Variants in SLCO3A1 observed in about 807,000 individuals in gnomAD.
The protein encoded by SLCO3A1 is solute carrier organic anion transporter family member 3A1, also known as PGE1 transporter.
SLCO3A1 carries 27 observed loss-of-function variants against 63.1 expected under a neutral mutation model. That is an observed-to-expected ratio of 0.43 (90% confidence interval 0.32 to 0.59). The LOEUF is 0.59. Among genes scored for constraint, SLCO3A1 ranks in the 20% least tolerant of loss-of-function variants. The pLI is 0.09. For missense variants in SLCO3A1, 773 were observed against 945.8 expected (o/e 0.82, Z 2.40); for synonymous variants, 473 against 409.9 (o/e 1.15, Z -1.86).
Position 92,128,345 on chromosome 15 carries a change from T to C in SLCO3A1, c.1374-6T>C. ...TAATGGCTTCCGTGTTTCCTTTCTT[T>C]TCCAGCACAGCACCTGGCTCAGCCC... On this transcript the variant is annotated splice_polypyrimidine_tract_variant and splice_region_variant and intron_variant, in intron 6 of 9. Coordinates refer to ENST00000318445, the MANE Select transcript of SLCO3A1 (RefSeq NM_013272.4). The C allele has an allele frequency of 6.2e-7, 1 of 1,613,474 alleles. No individual in the cohort carries two copies. The highest frequency in any genetic ancestry group is 8.5e-7 in the Non-Finnish European group (1 of 1,179,826).
chr15:92,045,935 G>A (rs757341238), intron 2 of SLCO3A1, among the ~76,000 whole-genome samples: 3 of 152,164 alleles, frequency 2.0e-5, no homozygotes, highest in South Asian at 4.1e-4. Flanking sequence ...GCATCGCTCT[G>A]TCCTCTCGTG....
At chr15:92,079,297 C>T (rs1214086958) in intron 2 of SLCO3A1, among the ~76,000 whole-genome samples, 1 of 152,198 alleles carries the variant, frequency 6.6e-6, no homozygotes, top group Non-Finnish European at 1.5e-5. Context: ...CCACTCTGGT[C>T]TTGGGAGCTG....
chr15:92,041,023 T>G (rs990010917), intron 2 of SLCO3A1, among the ~76,000 whole-genome samples: 2 of 152,138 alleles, frequency 1.3e-5, no homozygotes, highest in African/African-American at 4.8e-5. Flanking sequence ...CCTCAGACTT[T>G]CTGCCTCCTT....
At chr15:91,988,690 G>C (rs1231329956) in intron 2 of SLCO3A1, among the ~76,000 whole-genome samples, 3 of 152,182 alleles carry the variant, frequency 2.0e-5, no homozygotes, top group Admixed American at 2.0e-4. Context: ...CTCTAAGGTG[G>C]AGCCTGAAAA....
At chr15:92,074,140 C>T (rs2047248565) in intron 2 of SLCO3A1, among the ~76,000 whole-genome samples, 1 of 152,250 alleles carries the variant, frequency 6.6e-6, no homozygotes, top group Non-Finnish European at 1.5e-5. Flanking sequence ...CAGTGTACTC[C>T]AGCCTGGGCG....
intron 2 of SLCO3A1, among the ~76,000 whole-genome samples, chr15:92,071,646 G>A (rs2047217381): frequency 2.0e-5 from 3 of 152,184 alleles, no homozygotes; most frequent in Admixed American, 1.3e-4. Flanking sequence ...AGGAGGGAAC[G>A]CAGGCCACTG....
chr15:91,997,793 A>G (rs2046209171), intron 2 of SLCO3A1, among the ~76,000 whole-genome samples: 1 of 152,226 alleles, frequency 6.6e-6, no homozygotes, highest in Admixed American at 6.5e-5. Flanking sequence ...GTGCTGAGAT[A>G]GCTGATGAGC....
intron 2 of SLCO3A1, among the ~76,000 whole-genome samples, chr15:91,997,323 A>G (rs1319200938): frequency 6.6e-6 from 1 of 152,230 alleles, no homozygotes; most frequent in Non-Finnish European, 1.5e-5. Context: ...CTCTAGAAGG[A>G]AAACTACAAA....
At chr15:91,929,532 TA>T (rs1368550777) in intron 2 of SLCO3A1, among the ~76,000 whole-genome samples, 2 of 152,156 alleles carry the variant, frequency 1.3e-5, no homozygotes, top group Non-Finnish European at 1.5e-5. Context: ...TTTTTTTAAT[TA>T]AAAAAGTTGT....
intron 3 of SLCO3A1, among the ~76,000 whole-genome samples, chr15:92,096,612 G>C (rs973376601): frequency 1.2e-4 from 19 of 152,146 alleles, no homozygotes; most frequent in African/African-American, 4.6e-4. Context: ...TCTATCCTCA[G>C]GATCAGTAAG....
chr15:91,999,836 T>C (rs966271711), intron 2 of SLCO3A1, among the ~76,000 whole-genome samples: 3 of 152,234 alleles, frequency 2.0e-5, no homozygotes, highest in Admixed American at 6.5e-5. Flanking sequence ...AAGTGGCATT[T>C]TCTATTACAA....
intron 2 of SLCO3A1, among the ~76,000 whole-genome samples, chr15:92,037,244 T>C (rs552715902): frequency 4.6e-5 from 7 of 152,364 alleles, no homozygotes; most frequent in Admixed American, 1.3e-4. Context: ...CCAAATGATA[T>C]GTTTTACTGC....
chr15:91,969,716 C>T (rs182651420), intron 2 of SLCO3A1, among the ~76,000 whole-genome samples: 1 of 152,236 alleles, frequency 6.6e-6, no homozygotes, highest in African/African-American at 2.4e-5. Flanking sequence ...GGTAGAAGTG[C>T]TCCCTTGTTG....
chr15:92,120,756 T>C, intron 5 of SLCO3A1, 127 bp downstream of exon 5: 1 of 739,980 alleles, frequency 1.4e-6, no homozygotes, highest in Non-Finnish European at 2.3e-6. Flanking sequence ...AAGATATATG[T>C]GGCCTCTGTG....
At chr15:91,973,378 G>A (rs535986332) in intron 2 of SLCO3A1, among the ~76,000 whole-genome samples, 2 of 152,286 alleles carry the variant, frequency 1.3e-5, no homozygotes, top group Non-Finnish European at 2.9e-5. Context: ...CATTGTCAGA[G>A]GACACACAGC....
At chr15:92,082,274 A>G (rs536399452) in intron 2 of SLCO3A1, among the ~76,000 whole-genome samples, 1 of 152,264 alleles carries the variant, frequency 6.6e-6, no homozygotes, top group Non-Finnish European at 1.5e-5. Context: ...CTGAGGGGAG[A>G]ACTTTGAGCC....
In SLCO3A1 at chr15:91,853,713, C is replaced by CGCGGCGGCGGCGGCGGCGGCGGCGGCG; in HGVS notation, c.-175_-174insGCGGCGGCGGCGGCGGCGGCGGCGGCG. The CGCGGCGGCGGCGGCGGCGGCGGCGGCG allele has an allele frequency of 2.9e-6, 1 of 339,950 alleles. No homozygotes were observed. The highest frequency in any genetic ancestry group is 1.1e-4 in the South Asian group (1 of 9,446). The allele number at this position is 339,950 out of a possible 1,614,324, so 21.1% of individuals were successfully genotyped here. ...GGGAGGAGGAGGAGGAAGGGGCGAT[C>CGCGGCGGCGGCGGCGGCGGCGGCGGCG]GCGGCGGCGGCGGCGGCGGCGAGGA... On this transcript the variant is annotated 5_prime_UTR_variant, in exon 1 of 10. Transcript: ENST00000318445.
intron 2 of SLCO3A1, among the ~76,000 whole-genome samples, chr15:91,975,213 T>G (rs1857995453): frequency 6.6e-6 from 1 of 152,180 alleles, no homozygotes; most frequent in African/African-American, 2.4e-5. Flanking sequence ...GCTGAACTTG[T>G]GAACTGGTAC....
chr15:92,128,432 G>A lies in SLCO3A1; in HGVS notation c.1455G>A (p.Val485=). Residue 485 remains valine, a synonymous_variant, in exon 7 of 10, where the codon GTG becomes GTA. Coordinates refer to ENST00000318445, the MANE Select transcript of SLCO3A1 (RefSeq NM_013272.4). ...GCCAAACCGATTCCTTCACTCCAGT[G>A]TGTGGGGCAGATGGCATCACCTACC... ...CECQTDSFTP[V]CGADGITYLS... The A allele has an allele frequency of 1.6e-5, 26 of 1,614,150 alleles. No individual in the cohort carries two copies. Among genetic ancestry groups the A allele is most frequent in the Non-Finnish European group, 2.1e-5 (25 of 1,180,008 alleles).
Sources: gnomAD v4.1 joint callset for allele counts (sites outside exome capture counted in the v4.1 genomes callset) on GRCh38, gnomAD v4.1.1 for gene constraint, MANE v1.5 for transcripts, NCBI Gene and HGNC (gene_info 2026-07-23, HGNC 2026-07-21) for gene names.